Variants in ZNF385B observed in about 807,000 individuals in gnomAD.
The protein encoded by ZNF385B is zinc finger protein 533.
ZNF385B carries 23 observed loss-of-function variants against 39.2 expected under a neutral mutation model. The ratio of observed to expected loss-of-function variants is 0.59; its 90% CI spans 0.42 to 0.83. The LOEUF (loss-of-function observed/expected upper bound fraction) is 0.83, where lower values mean the gene tolerates loss of function less well. ZNF385B is among the 40% of genes least tolerant of loss of function. The probability of loss-of-function intolerance (pLI) is 0.00; values close to 1 mark genes in which losing one functional copy is unlikely to be tolerated. For missense variants in ZNF385B, 552 were observed against 598.9 expected (o/e 0.92, Z 0.82); for synonymous variants, 205 against 222.6 (o/e 0.92, Z 0.70).
intron 3 of ZNF385B, among the ~76,000 whole-genome samples, chr2:179,690,442 T>C (rs1427702900): frequency 6.6e-6 from 1 of 152,204 alleles, no homozygotes; most frequent in Non-Finnish European, 1.5e-5. Context: ...GTCCTCCTCA[T>C]ATGCAGGTTT....
chr2:179,821,814 C>T (rs1707413262), intron 1 of ZNF385B, among the ~76,000 whole-genome samples: 1 of 152,004 alleles, frequency 6.6e-6, no homozygotes. Flanking sequence ...TCTCTTAATT[C>T]TGATTATCCT....
At chr2:179,716,286 T>G (rs1386343166) in intron 3 of ZNF385B, among the ~76,000 whole-genome samples, 1 of 152,194 alleles carries the variant, frequency 6.6e-6, no homozygotes, top group Non-Finnish European at 1.5e-5. Context: ...GTTTTCATAA[T>G]AGAGTAGGTC....
rs562567517 is a variant in ZNF385B, at chr2:179,547,370, T to C, written c.299-2401A>G. 4.0e-5 allele frequency among the ~76,000 whole-genome samples: 6 copies of C among 149,878 alleles called. No individual in the cohort carries two copies. The South Asian group carries it at 1.3e-3, about 32-fold the overall frequency. ...TGAGGTCATAGATTTAAGTCTTTAA[T>C]ACATTTTGATTTTATTTTTGTATAT... On this transcript the variant is annotated intron_variant, in intron 3 of 9. Coordinates refer to ENST00000410066, the MANE Select transcript of ZNF385B (RefSeq NM_152520.6).
chr2:179,522,845 A>T (rs1559399416), intron 4 of ZNF385B: 1 of 396,348 alleles, frequency 2.5e-6, no homozygotes, highest in East Asian at 7.9e-5. Flanking sequence ...AGAAAAAAAT[A>T]CCCTATCACA....
chr2:179,530,792 A>G (rs763449446), intron 4 of ZNF385B, among the ~76,000 whole-genome samples: 2 of 152,210 alleles, frequency 1.3e-5, no homozygotes, highest in Admixed American at 6.5e-5. Context: ...CCTTTCACTA[A>G]GAAGAAATAT....
At chr2:179,501,336 T>C (rs961107021) in intron 5 of ZNF385B, among the ~76,000 whole-genome samples, 1 of 152,090 alleles carries the variant, frequency 6.6e-6, no homozygotes, top group Non-Finnish European at 1.5e-5. Context: ...TTGGGAGCAA[T>C]GTAAGAGTCC....
At chr2:179,543,164 C>A (rs1340499161) in intron 4 of ZNF385B, among the ~76,000 whole-genome samples, 2 of 152,008 alleles carry the variant, frequency 1.3e-5, no homozygotes, top group African/African-American at 4.8e-5. Context: ...CCCAGCTACT[C>A]AGGAGGCTGA....
intron 1 of ZNF385B, among the ~76,000 whole-genome samples, chr2:179,807,997 A>T (rs1158526501): frequency 6.6e-6 from 1 of 151,942 alleles, no homozygotes; most frequent in African/African-American, 2.4e-5. Flanking sequence ...ACAACATACA[A>T]ATATCATTTA....
intron 3 of ZNF385B, among the ~76,000 whole-genome samples, chr2:179,689,746 G>C (rs547516116): frequency 2.0e-5 from 3 of 151,840 alleles, no homozygotes; most frequent in Admixed American, 2.0e-4. Flanking sequence ...ACCAGCAAAA[G>C]ACAAGACTAC....
intron 3 of ZNF385B, among the ~76,000 whole-genome samples, chr2:179,672,968 G>A (rs1696240850): frequency 6.6e-6 from 1 of 152,132 alleles, no homozygotes; most frequent in African/African-American, 2.4e-5. Flanking sequence ...TCTGCAAGGT[G>A]GGGAGTTAAA....
intron 1 of ZNF385B, among the ~76,000 whole-genome samples, chr2:179,853,847 A>C (rs1301420292): frequency 6.6e-6 from 1 of 152,188 alleles, no homozygotes; most frequent in Non-Finnish European, 1.5e-5. Flanking sequence ...TAAGTAACTT[A>C]GTCAAAGTCA....
intron 3 of ZNF385B, among the ~76,000 whole-genome samples, chr2:179,638,057 GAAAAAATTC>G (rs1559015127): frequency 6.6e-6 from 1 of 151,988 alleles, no homozygotes; most frequent in African/African-American, 2.4e-5. Flanking sequence ...AACAACGTTG[GAAAAAATTC>G]TTCAATAGAC....
At chr2:179,675,037 G>C (rs1372842593) in intron 3 of ZNF385B, among the ~76,000 whole-genome samples, 1 of 152,176 alleles carries the variant, frequency 6.6e-6, no homozygotes, top group Admixed American at 6.5e-5. Flanking sequence ...CCCCCATGCA[G>C]TCAAAAATTC....
intron 3 of ZNF385B, among the ~76,000 whole-genome samples, chr2:179,737,061 C>T (rs1701809139): frequency 6.6e-6 from 1 of 152,176 alleles, no homozygotes; most frequent in Non-Finnish European, 1.5e-5. Context: ...CAAACCTCAT[C>T]ACATTGTTTA....
chr2:179,769,963 G>T (rs1010317235), intron 2 of ZNF385B, among the ~76,000 whole-genome samples, 161 bp from the exon 3 acceptor site: 3 of 152,176 alleles, frequency 2.0e-5, no homozygotes, highest in Non-Finnish European at 4.4e-5. Flanking sequence ...AAGTAAGCAA[G>T]TATGGTCTTT....
intron 3 of ZNF385B, among the ~76,000 whole-genome samples, chr2:179,691,732 A>G (rs1698369881): frequency 6.6e-6 from 1 of 152,192 alleles, no homozygotes; most frequent in Non-Finnish European, 1.5e-5. Context: ...AGTATATCAC[A>G]TATACTGGGC....
chr2:179,720,933 T>TG (rs1296485164), intron 3 of ZNF385B, among the ~76,000 whole-genome samples: 3 of 144,398 alleles, frequency 2.1e-5, no homozygotes, highest in Non-Finnish European at 4.6e-5. Context: ...CTGTTTTTTT[T>TG]TTTTTTTTTT....
chr2:179,800,974 G>A (rs1193896837), intron 1 of ZNF385B, among the ~76,000 whole-genome samples: 2 of 152,038 alleles, frequency 1.3e-5, no homozygotes, highest in Non-Finnish European at 2.9e-5. Flanking sequence ...CATAAGCAAA[G>A]TTTCCTAATT....
intron 3 of ZNF385B, among the ~76,000 whole-genome samples, chr2:179,691,287 T>C (rs1405396721): frequency 9.9e-5 from 15 of 152,212 alleles, no homozygotes; most frequent in Admixed American, 9.8e-4. Context: ...GTATCATTTA[T>C]GTTACAGTGA....
Sources: gnomAD v4.1 joint callset for allele counts (sites outside exome capture counted in the v4.1 genomes callset) on GRCh38, gnomAD v4.1.1 for gene constraint, MANE v1.5 for transcripts, NCBI Gene and HGNC (gene_info 2026-07-23, HGNC 2026-07-21) for gene names.